Variants in UBE2R2 observed in about 807,000 individuals in gnomAD.
UBE2R2 encodes the protein ubiquitin conjugating enzyme E2 R2.
UBE2R2 carries 1 observed loss-of-function variant against 27.8 expected under a neutral mutation model. The observed-to-expected ratio is 0.04, with a 90% CI of 0.01 to 0.17. The LOEUF (loss-of-function observed/expected upper bound fraction) is 0.17. Ranked by LOEUF, UBE2R2 falls within the 10% of genes least tolerant of loss-of-function variation. UBE2R2 has a pLI of 1.00. For synonymous variants in UBE2R2, 106 were observed against 113.3 expected (o/e 0.94, Z 0.41); for missense variants, 100 against 291.0 (o/e 0.34, Z 4.78).
rs1320087082 is a variant in UBE2R2, at chr9:33,920,326, TTTA to T, written c.*3092_*3094del. On this transcript the variant is annotated 3_prime_UTR_variant, in exon 5 of 5. Transcript: ENST00000263228. ...TTTGTGTTGACTTCCCCTTTAGTGG[TTTA>T]TTTTGTCTTTTTCTGCCCATCTGTC... 1.3e-5 allele frequency: 2 copies of T among 152,012 alleles called. No individual in the cohort carries two copies. The highest frequency in any genetic ancestry group is 6.6e-5 in the Admixed American group (1 of 15,262). The allele number at this position is 152,012 out of a possible 1,614,324, so 9.4% of individuals were successfully genotyped here. A position where few individuals can be genotyped will look rare whatever the true frequency, so the allele number is the denominator to read the frequency against.
chr9:33,837,716 G>C (rs1352853146), intron 1 of UBE2R2, among the ~76,000 whole-genome samples: 2 of 151,784 alleles, frequency 1.3e-5, no homozygotes, highest in East Asian at 3.9e-4. Context: ...CACCACACCT[G>C]GCCTGTTCTT....
intron 2 of UBE2R2, among the ~76,000 whole-genome samples, chr9:33,891,997 TG>T (rs1042443727): frequency 2.6e-5 from 4 of 152,090 alleles, no homozygotes; most frequent in Admixed American, 1.3e-4. Flanking sequence ...TATGTATGTG[TG>T]TGTGCATATA....
intron 1 of UBE2R2, among the ~76,000 whole-genome samples, chr9:33,848,026 A>T (rs1820884367): frequency 6.6e-6 from 1 of 152,110 alleles, no homozygotes; most frequent in African/African-American, 2.4e-5. Flanking sequence ...AAGTGCTGGG[A>T]TTACATGCAG....
At chr9:33,842,306 TAGG>T (rs1031782816) in intron 1 of UBE2R2, among the ~76,000 whole-genome samples, 4 of 151,980 alleles carry the variant, frequency 2.6e-5, no homozygotes, top group Admixed American at 2.0e-4. Context: ...AAGGCTGAGG[TAGG>T]AGGATCACCT....
intron 1 of UBE2R2, among the ~76,000 whole-genome samples, chr9:33,866,425 G>C (rs1484459883): frequency 1.3e-5 from 2 of 151,994 alleles, no homozygotes; most frequent in African/African-American, 4.8e-5. Context: ...TTTTAGTAGA[G>C]ACGGAGTTTC....
chr9:33,831,074 C>CAAAAAAAAAAAAA (rs60428230), intron 1 of UBE2R2: 1 of 88,278 alleles, frequency 1.1e-5, no homozygotes, highest in Admixed American at 1.1e-4. Context: ...ACTGAACTAG[C>CAAAAAAAAAAAAA]AAAAAAAAAA....
At chr9:33,831,924 G>A (rs1031735759) in intron 1 of UBE2R2, among the ~76,000 whole-genome samples, 4 of 150,148 alleles carry the variant, frequency 2.7e-5, no homozygotes, top group African/African-American at 1.0e-4. Context: ...GCCTCCCAAA[G>A]TGCTGGGATT....
At chr9:33,878,798 T>G (rs754552606) in intron 1 of UBE2R2, among the ~76,000 whole-genome samples, 9 of 152,154 alleles carry the variant, frequency 5.9e-5, no homozygotes, top group African/African-American at 9.7e-5. Context: ...ATGCCAAGGT[T>G]GCAGTGAGCT....
chr9:33,891,910 G>A (rs1163390734), intron 2 of UBE2R2, among the ~76,000 whole-genome samples: 3 of 152,172 alleles, frequency 2.0e-5, no homozygotes, highest in Non-Finnish European at 4.4e-5. Context: ...GCACATGCCT[G>A]TAGTCCCAGC....
chr9:33,907,336 A>G (rs909167282), intron 3 of UBE2R2, among the ~76,000 whole-genome samples: 12 of 152,018 alleles, frequency 7.9e-5, no homozygotes, highest in Admixed American at 6.6e-4. Flanking sequence ...TAGATCCTCT[A>G]TCCTGAAAAG....
At chr9:33,826,514 C>T (rs1048825692) in intron 1 of UBE2R2, among the ~76,000 whole-genome samples, 3 of 151,906 alleles carry the variant, frequency 2.0e-5, no homozygotes, top group African/African-American at 7.3e-5. Context: ...CTGGCTAACA[C>T]GGTCAAACCC....
chr9:33,825,017 A>G (rs1249968676), intron 1 of UBE2R2, among the ~76,000 whole-genome samples: 1 of 152,004 alleles, frequency 6.6e-6, no homozygotes, highest in Non-Finnish European at 1.5e-5. Context: ...CTCTGCGTTG[A>G]TTCTCCTTTT....
intron 3 of UBE2R2, among the ~76,000 whole-genome samples, chr9:33,907,363 C>G (rs1382748762): frequency 6.6e-6 from 1 of 152,156 alleles, no homozygotes; most frequent in East Asian, 1.9e-4. Flanking sequence ...CTTATTGCCT[C>G]GCTGTGGCAT....
intron 4 of UBE2R2, among the ~76,000 whole-genome samples, chr9:33,912,771 A>G (rs1191729173): frequency 2.0e-5 from 3 of 152,144 alleles, no homozygotes; most frequent in African/African-American, 7.2e-5. Context: ...GGGACTTGGA[A>G]TCTACTCATG....
intron 1 of UBE2R2, among the ~76,000 whole-genome samples, chr9:33,881,511 C>G (rs1327744077): frequency 6.6e-6 from 1 of 152,170 alleles, no homozygotes; most frequent in Non-Finnish European, 1.5e-5. Flanking sequence ...GAGTCCAGTT[C>G]AGGATATCAC....
intron 1 of UBE2R2, among the ~76,000 whole-genome samples, chr9:33,840,760 T>C (rs1281469245): frequency 6.6e-6 from 1 of 152,156 alleles, no homozygotes; most frequent in African/African-American, 2.4e-5. Flanking sequence ...TGGAATACTT[T>C]TATTAAGAGA....
chr9:33,828,718 T>C (rs963963948), intron 1 of UBE2R2, among the ~76,000 whole-genome samples: 3 of 147,542 alleles, frequency 2.0e-5, no homozygotes, highest in African/African-American at 5.0e-5. Context: ...TGTGCCACCA[T>C]GCCCAGCTAA....
rs553959839 is a variant in UBE2R2 at position 33,918,519 on chromosome 9, A to G, written c.*1282A>G. On this transcript the variant is annotated 3_prime_UTR_variant, in exon 5 of 5. Coordinates refer to ENST00000263228, the MANE Select transcript of UBE2R2 (RefSeq NM_017811.4). Reference sequence around the variant, plus strand: ...CCAGATAAGGCTAGATCTTCCTGCAATGCACTTGCTGCAGCTTTGATTTTC... The same window carrying G: ...CCAGATAAGGCTAGATCTTCCTGCAGTGCACTTGCTGCAGCTTTGATTTTC... 3.9e-5 allele frequency: 6 copies of G among 152,140 alleles called. No homozygotes were observed. The highest frequency in any genetic ancestry group is 1.9e-4 in the East Asian group (1 of 5,166). The allele number at this position is 152,140 out of a possible 1,614,324, so 9.4% of individuals were successfully genotyped here. A position where few individuals can be genotyped will look rare whatever the true frequency, so the allele number is the denominator to read the frequency against.
intron 2 of UBE2R2, among the ~76,000 whole-genome samples, chr9:33,899,137 C>T (rs896903762): frequency 6.6e-6 from 1 of 152,074 alleles, no homozygotes; most frequent in African/African-American, 2.4e-5. Context: ...ACTCTAGGTA[C>T]ACAGATATAT....
Sources: gnomAD v4.1 joint callset for allele counts (sites outside exome capture counted in the v4.1 genomes callset) on GRCh38, gnomAD v4.1.1 for gene constraint, MANE v1.5 for transcripts, NCBI Gene and HGNC (gene_info 2026-07-23, HGNC 2026-07-21) for gene names.